Variants in ZBTB20 observed in about 807,000 individuals in gnomAD.
ZBTB20 encodes the protein zinc finger and BTB domain-containing protein 20.
ZBTB20 carries 9 observed loss-of-function variants against 56.9 expected under a neutral mutation model. That is an observed-to-expected ratio of 0.16 (90% CI 0.10 to 0.28). The LOEUF is 0.28. Among genes scored for constraint, ZBTB20 ranks in the 10% least tolerant of loss-of-function variants. The pLI, the probability that ZBTB20 is intolerant of heterozygous loss-of-function variation, is 1.00. For synonymous variants in ZBTB20, 417 were observed against 420.7 expected (o/e 0.99, Z 0.11); for missense variants, 655 against 1,003.0 (o/e 0.65, Z 4.69).
At chr3:114,842,648 T>C (rs1028794083) in intron 4 of ZBTB20, among the ~76,000 whole-genome samples, 5 of 152,144 alleles carry the variant, frequency 3.3e-5, no homozygotes, top group South Asian at 2.1e-4. Context: ...TTAGAATAAG[T>C]AATATTTCAA....
intron 5 of ZBTB20, among the ~76,000 whole-genome samples, chr3:114,796,047 A>G (rs1048929978): frequency 1.3e-5 from 2 of 152,042 alleles, no homozygotes; most frequent in African/African-American, 4.8e-5. Context: ...ACAAGCTACC[A>G]CAAGCTTGTT....
chr3:114,353,148 T>G (rs139597561), intron 10 of ZBTB20, among the ~76,000 whole-genome samples: 13 of 152,298 alleles, frequency 8.5e-5, no homozygotes, highest in African/African-American at 3.1e-4. Flanking sequence ...CATTCTTGCC[T>G]TTACAACTGA....
At chr3:114,901,964 ATAG>A (rs1431440592) in intron 3 of ZBTB20, among the ~76,000 whole-genome samples, 9 of 152,276 alleles carry the variant, frequency 5.9e-5, no homozygotes, top group Admixed American at 6.5e-5. Flanking sequence ...GGAAAAAATA[ATAG>A]TAGGTAGGGT....
intron 3 of ZBTB20, among the ~76,000 whole-genome samples, chr3:114,932,158 C>T (rs548021435): frequency 6.6e-6 from 1 of 152,322 alleles, no homozygotes; most frequent in East Asian, 1.9e-4. Flanking sequence ...GGCCTTTGCA[C>T]TGATTGTGTT....
chr3:114,737,099 A>T (rs1161475582), intron 5 of ZBTB20, among the ~76,000 whole-genome samples: 1 of 152,184 alleles, frequency 6.6e-6, no homozygotes, highest in African/African-American at 2.4e-5. Flanking sequence ...TTTAAGAGCC[A>T]AAGTTACAAA....
intron 6 of ZBTB20, among the ~76,000 whole-genome samples, chr3:114,598,375 T>C (rs1485623650): frequency 6.8e-6 from 1 of 146,968 alleles, no homozygotes; most frequent in Non-Finnish European, 1.5e-5. Flanking sequence ...AACTGTGTTA[T>C]ACACCCTACA....
chr3:114,584,289 T>C (rs1280353089), intron 6 of ZBTB20, among the ~76,000 whole-genome samples: 1 of 152,166 alleles, frequency 6.6e-6, no homozygotes, highest in East Asian at 1.9e-4. Flanking sequence ...ACAGAAAAGA[T>C]TTTTATTTTT....
At chr3:114,711,642 T>C (rs1372601170) in intron 5 of ZBTB20, among the ~76,000 whole-genome samples, 1 of 152,216 alleles carries the variant, frequency 6.6e-6, no homozygotes, top group Admixed American at 6.5e-5. Flanking sequence ...CCTGGTAAGT[T>C]AGACTGGCAT....
intron 6 of ZBTB20, among the ~76,000 whole-genome samples, chr3:114,668,070 C>G (rs2061159099): frequency 6.6e-6 from 1 of 151,998 alleles, no homozygotes; most frequent in Admixed American, 6.6e-5. Flanking sequence ...GTAATCCTTT[C>G]TTTCAGATTA....
rs578198243 is a variant in ZBTB20 at position 115,104,773 on chromosome 3, C to A, written c.-702-33359G>T. On this transcript the variant is annotated intron_variant, in intron 1 of 11. Coordinates refer to ENST00000675478, the MANE Select transcript of ZBTB20 (RefSeq NM_001348800.3). ...GGCAGTGAAACTACTTTGTATAATA[C>A]AATAGTGACAGATAGATGTCATACA... is the stretch of plus-strand genomic sequence containing the variant. Among the ~76,000 whole-genome samples, 87 of 152,204 alleles carry A rather than the reference C, an allele frequency of 5.7e-4. 3 individuals carry two copies. In the South Asian group the frequency reaches 0.017, roughly 30 times the overall value.
intron 6 of ZBTB20, among the ~76,000 whole-genome samples, chr3:114,567,630 T>G (rs754042788): frequency 6.6e-6 from 1 of 152,140 alleles, no homozygotes; most frequent in Admixed American, 6.5e-5. Flanking sequence ...TGCCTTTCAT[T>G]TATTCCTTCA....
At chr3:114,451,473 G>T (rs572406451) in intron 7 of ZBTB20, among the ~76,000 whole-genome samples, 3 of 152,180 alleles carry the variant, frequency 2.0e-5, no homozygotes, top group East Asian at 3.9e-4. Flanking sequence ...CTAGAATGAG[G>T]TTTCTTTTTG....
chr3:114,615,901 C>A (rs575448215), intron 6 of ZBTB20, among the ~76,000 whole-genome samples: 28 of 152,194 alleles, frequency 1.8e-4, no homozygotes, highest in Non-Finnish European at 4.0e-4. Flanking sequence ...GTCAATAGAA[C>A]CCCTAAATGA....
In ZBTB20 at chr3:115,011,239, G is replaced by A. The variant is rs184648647; in HGVS notation, c.-506-36823C>T. On this transcript the variant is annotated intron_variant, in intron 2 of 11. Coordinates refer to ENST00000675478, the MANE Select transcript of ZBTB20 (RefSeq NM_001348800.3). Reference sequence around the variant, plus strand: ...AGAGACAGGGGTAGAAAGTTTATCCGAAGGAATAATAACAGAGAACTTCCC... The same window carrying A: ...AGAGACAGGGGTAGAAAGTTTATCCAAAGGAATAATAACAGAGAACTTCCC... Among the ~76,000 whole-genome samples, 401 of 151,896 alleles carry A rather than the reference G, an allele frequency of 2.6e-3. 2 individuals carry two copies. Among genetic ancestry groups the A allele is most frequent in the African/African-American group, 9.2e-3 (383 of 41,504 alleles).
At chr3:114,850,355 A>ATGGTGTGTTCATAGCGAGATAGG (rs1459442291) in intron 4 of ZBTB20, among the ~76,000 whole-genome samples, 1 of 152,166 alleles carries the variant, frequency 6.6e-6, no homozygotes, top group Non-Finnish European at 1.5e-5. Context: ...TAGGGAGTAG[A>ATGGTGTGTTCATAGCGAGATAGG]TGGTGTGTTC....
intron 6 of ZBTB20, among the ~76,000 whole-genome samples, chr3:114,590,185 A>G (rs1269963625): frequency 2.6e-5 from 4 of 152,118 alleles, no homozygotes; most frequent in Non-Finnish European, 2.9e-5. Context: ...CCGTGTGCGA[A>G]GGCTCACGCT....
chr3:115,119,363 A>G (rs900846034), intron 1 of ZBTB20, among the ~76,000 whole-genome samples: 6 of 152,194 alleles, frequency 3.9e-5, no homozygotes. Flanking sequence ...GACCTATATT[A>G]TAGAGTTTTT....
chr3:114,834,443 T>G (rs545934641), intron 4 of ZBTB20, among the ~76,000 whole-genome samples: 2 of 152,286 alleles, frequency 1.3e-5, no homozygotes, highest in South Asian at 4.1e-4. Context: ...TTCTGGTAAG[T>G]TCGTCTCTTA....
rs1186664240 is a variant in ZBTB20, at chr3:114,448,389, T to C, written c.-255+51963A>G. ...TTCCTGGTTCTGTGATCAGAAAAAT[T>C]ATCGTATCATATTTATTACTGTTGT... On this transcript the variant is annotated intron_variant, in intron 7 of 11. Transcript: ENST00000675478. Among the ~76,000 whole-genome samples the C allele has an allele frequency of 2.0e-5, 3 of 152,122 alleles. No homozygotes were observed. In the East Asian group the frequency reaches 5.8e-4, roughly 29 times the overall value.
Sources: gnomAD v4.1 joint callset for allele counts (sites outside exome capture counted in the v4.1 genomes callset) on GRCh38, gnomAD v4.1.1 for gene constraint, MANE v1.5 for transcripts, NCBI Gene and HGNC (gene_info 2026-07-23, HGNC 2026-07-21) for gene names.